The following FBXW11 variants were observed in gnomAD, a reference collection of about 807,000 sequenced individuals.
The protein encoded by FBXW11 is F-box and WD repeat domain containing 11.
Under a neutral mutation model 77.6 loss-of-function variants are expected in FBXW11, and 19 were observed. That is an observed-to-expected ratio of 0.24 (90% CI 0.17 to 0.36). The LOEUF (loss-of-function observed/expected upper bound fraction) is 0.36. Among genes scored for constraint, FBXW11 ranks in the 10% least tolerant of loss-of-function variants. The pLI is 1.00. For synonymous variants in FBXW11, 235 were observed against 249.4 expected (o/e 0.94, Z 0.54); for missense variants, 334 against 704.2 (o/e 0.47, Z 5.95).
At chr5:171,913,844 C>CACAT (rs1761056077) in intron 3 of FBXW11, among the ~76,000 whole-genome samples, 1 of 150,728 alleles carries the variant, frequency 6.6e-6, no homozygotes, top group Non-Finnish European at 1.5e-5. Flanking sequence ...CACACACACA[C>CACAT]ACACACACAC....
chr5:171,996,470 C>T (rs1581096230), intron 1 of FBXW11, among the ~76,000 whole-genome samples: 1 of 152,260 alleles, frequency 6.6e-6, no homozygotes, highest in South Asian at 2.1e-4. Context: ...AGTTCAAGAC[C>T]AGTCTGGGCA....
chr5:171,878,196 C>T, intron 7 of FBXW11, 67 bp from the exon 8 acceptor site: 2 of 1,098,370 alleles, frequency 1.8e-6, no homozygotes, highest in Non-Finnish European at 2.7e-6. Flanking sequence ...GTTACTGTCC[C>T]ACCTTATGTT....
intron 2 of FBXW11, among the ~76,000 whole-genome samples, chr5:171,928,632 C>T (rs936587537): frequency 6.6e-5 from 10 of 152,184 alleles, no homozygotes; most frequent in Admixed American, 2.0e-4. Flanking sequence ...TCTATTCATG[C>T]TTAAAAACAC....
intron 2 of FBXW11, among the ~76,000 whole-genome samples, chr5:171,956,976 A>G (rs1379012445): frequency 6.6e-6 from 1 of 152,130 alleles, no homozygotes; most frequent in Non-Finnish European, 1.5e-5. Context: ...CCACCCCCAA[A>G]AAGTTTTACT....
At chr5:171,884,082 CT>C (rs76750730) in intron 7 of FBXW11, among the ~76,000 whole-genome samples, 127,065 of 152,188 alleles carry the variant, frequency 0.83, 55,238 homozygotes, top group East Asian at 1. Context: ...GTAGTATTTG[CT>C]TTTGGTTCTT....
At chr5:171,922,860 T>C (rs1033414726) in intron 2 of FBXW11, among the ~76,000 whole-genome samples, 6 of 152,316 alleles carry the variant, frequency 3.9e-5, no homozygotes, top group Middle Eastern at 3.4e-3. Context: ...AGAATGAATG[T>C]GGACGAATGT....
intron 1 of FBXW11, among the ~76,000 whole-genome samples, chr5:171,995,787 C>T (rs1179993106): frequency 1.3e-5 from 2 of 152,042 alleles, no homozygotes; most frequent in African/African-American, 4.8e-5. Context: ...ATTAAAATAC[C>T]ATGCCAAACA....
At position 171,864,911 on chromosome 5, in the gene FBXW11, A is replaced by G. The variant is rs73801493; in HGVS notation, c.*26-810T>C. Among the ~76,000 whole-genome samples, 1,022 of 152,048 alleles carry G rather than the reference A, an allele frequency of 6.7e-3. 13 individuals are homozygous for G. The highest frequency in any genetic ancestry group is 0.024 in the African/African-American group (983 of 41,458). The stretch of plus-strand genomic sequence containing the variant: ...CAAAACCCACTCAGATACTGTCACA[A>G]TAAGTGATGCACTAAACCACTGGCC... On this transcript the variant is annotated intron_variant, in intron 13 of 13. Transcript: ENST00000517395.
intron 1 of FBXW11, among the ~76,000 whole-genome samples, chr5:172,006,199 G>A (rs2113641038): frequency 6.6e-6 from 1 of 152,366 alleles, no homozygotes. Flanking sequence ...AGGGTCGTCC[G>A]AGAGCTGGGA....
rs950890341 is a variant in FBXW11, at chr5:171,904,723, C to T, written c.437-4623G>A. 6.6e-6 allele frequency among the ~76,000 whole-genome samples: 1 copy of T among 152,094 alleles called. No individual in the cohort carries two copies. The highest frequency in any genetic ancestry group is 1.5e-5 in the Non-Finnish European group (1 of 68,030). On this transcript the variant is annotated intron_variant, in intron 4 of 13. Transcript: ENST00000517395. This position sits in a 1 kb window ranked among gnomAD's most constrained non-coding sequence, Gnocchi z 4.0. ...AGTAGCTGGGACTACAGGCGCACAC[C>T]ACCATGCCCAGGTAATTTTTGTATT...
chr5:171,971,539 T>C (rs766109094), intron 1 of FBXW11, among the ~76,000 whole-genome samples: 1 of 152,228 alleles, frequency 6.6e-6, no homozygotes, highest in Non-Finnish European at 1.5e-5. Flanking sequence ...TATGTCACTG[T>C]AATCACTCAA....
At chr5:171,989,818 C>A (rs996212194) in intron 1 of FBXW11, among the ~76,000 whole-genome samples, 8 of 152,080 alleles carry the variant, frequency 5.3e-5, no homozygotes, top group African/African-American at 1.9e-4. Context: ...TTAATTGATG[C>A]TTGATATTAT....
At chr5:171,999,873 GCTTT>G (rs1177980186) in intron 1 of FBXW11, among the ~76,000 whole-genome samples, 1 of 151,892 alleles carries the variant, frequency 6.6e-6, no homozygotes, top group African/African-American at 2.4e-5. Context: ...ATACTTCACA[GCTTT>G]CCATTTTGTG....
At chr5:171,872,748 C>A in intron 10 of FBXW11, 124 bp downstream of exon 10, 14 of 722,464 alleles carry the variant, frequency 1.9e-5, no homozygotes. Context: ...CTAAAAGTTA[C>A]CTAAAGCTTT....
intron 1 of FBXW11, among the ~76,000 whole-genome samples, chr5:171,969,300 G>A (rs1277141040): frequency 6.6e-6 from 1 of 152,088 alleles, no homozygotes; most frequent in Admixed American, 6.6e-5. Flanking sequence ...ATGTATGGAA[G>A]GGAAAACTTT....
chr5:171,914,368 G>A lies in FBXW11; in HGVS notation c.185C>T (p.Ser62Phe). Residue 62 changes from serine to phenylalanine, a missense_variant, in exon 3 of 14, where the codon TCC becomes TTC. Around this residue, in one of 10 missense-constraint regions of FBXW11, gnomAD observed 80 missense variants for 105.1 expected, o/e 0.76. Coordinates refer to ENST00000517395, the MANE Select transcript of FBXW11 (RefSeq NM_001378974.1). ...SVMEDQNEDE[S>F]PKKNTLWQIS... ...CTGCCAAAGAGTATTTTTCTTTGGG[G>A]ACTCATCTTCATTTTGATCTTCCAT... The A allele has an allele frequency of 1.2e-6, 2 of 1,605,806 alleles. No homozygotes were observed. Among genetic ancestry groups the A allele is most frequent in the South Asian group, 1.1e-5 (1 of 89,088 alleles).
chr5:171,912,992 T>C (rs1332146160), intron 3 of FBXW11, among the ~76,000 whole-genome samples: 1 of 152,040 alleles, frequency 6.6e-6, no homozygotes, highest in Non-Finnish European at 1.5e-5. Flanking sequence ...ATCCAGGATT[T>C]TATAAAACAT....
intron 1 of FBXW11, among the ~76,000 whole-genome samples, chr5:171,978,029 T>C (rs1581063412): frequency 6.6e-6 from 1 of 152,264 alleles, no homozygotes; most frequent in East Asian, 1.9e-4. Flanking sequence ...GCATGGCTCC[T>C]AAGGAGTTGA....
intron 1 of FBXW11, among the ~76,000 whole-genome samples, chr5:171,962,966 C>T: frequency 6.6e-6 from 1 of 152,132 alleles, no homozygotes. Flanking sequence ...ACTCCCCCCA[C>T]CACCAATCTT....
Sources: allele counts gnomAD v4.1 joint callset (sites outside exome capture counted in the v4.1 genomes callset), GRCh38; gene constraint gnomAD v4.1.1; regional missense constraint gnomAD v4.1.1; non-coding constraint Gnocchi (gnomAD v3.1); transcripts MANE v1.5; gene names NCBI Gene and HGNC (gene_info 2026-07-23, HGNC 2026-07-21).